The following ATAD1 variants were observed in gnomAD, a reference collection of about 807,000 sequenced individuals.
The protein encoded by ATAD1 is outer mitochondrial transmembrane helix translocase.
In ATAD1, 18 loss-of-function variants were observed where a neutral mutation model predicts 42.7. The ratio of observed to expected loss-of-function variants is 0.42; its 90% confidence interval spans 0.29 to 0.63. The LOEUF is 0.63. Among genes scored for constraint, ATAD1 ranks in the 20% least tolerant of loss-of-function variants. The pLI is 0.19. For synonymous variants in ATAD1, 132 were observed against 143.1 expected (o/e 0.92, Z 0.55); for missense variants, 294 against 440.4 (o/e 0.67, Z 2.98).
chr10:87,807,276 C>G (rs972282623), intron 2 of ATAD1, among the ~76,000 whole-genome samples: 6 of 152,086 alleles, frequency 3.9e-5, no homozygotes, highest in African/African-American at 1.4e-4. Context: ...GCTATGAGCA[C>G]TCTTGTATGT....
At chr10:87,770,901 T>C (rs374506570) in intron 7 of ATAD1, 51 bp downstream of exon 7, 37 of 1,508,072 alleles carry the variant, frequency 2.5e-5, no homozygotes, top group Non-Finnish European at 3.4e-5. Context: ...GGTGAAGACC[T>C]ATAAAAAGGT....
At chr10:87,790,128 AG>A (rs955440689) in intron 4 of ATAD1, among the ~76,000 whole-genome samples, 181 bp downstream of exon 4, 25 of 152,378 alleles carry the variant, frequency 1.6e-4, no homozygotes, top group African/African-American at 6.0e-4. Flanking sequence ...ATGTAAATAC[AG>A]GAAAAAGTTT....
chr10:87,758,823 C>G (rs922575518), intron 8 of ATAD1, among the ~76,000 whole-genome samples: 3 of 152,048 alleles, frequency 2.0e-5, no homozygotes, highest in Non-Finnish European at 4.4e-5. Flanking sequence ...AAAACATATA[C>G]AGCAGAAATT....
At chr10:87,812,165 T>C (rs2132053603) in intron 2 of ATAD1, among the ~76,000 whole-genome samples, 1 of 152,332 alleles carries the variant, frequency 6.6e-6, no homozygotes, top group African/African-American at 2.4e-5. Flanking sequence ...CTATTCCTTC[T>C]GCATACTACT....
rs77689956 is a variant in ATAD1 at position 87,808,128 on chromosome 10, C to G, written c.162+6310G>C. Reference sequence around the variant, plus strand: ...TATACTGATTTTAAATCCAGCAAACCCATCAAACTCTCATGAATCCTGATA... The same window carrying G: ...TATACTGATTTTAAATCCAGCAAACGCATCAAACTCTCATGAATCCTGATA... On this transcript the variant is annotated intron_variant, in intron 2 of 9. Transcript: ENST00000680024. 2.7e-3 allele frequency among the ~76,000 whole-genome samples: 407 copies of G among 152,092 alleles called. 1 individual carries two copies. The highest frequency in any genetic ancestry group is 9.6e-3 in the African/African-American group (397 of 41,516).
At chr10:87,806,001 CTTTAT>C (rs1856905365) in intron 2 of ATAD1, among the ~76,000 whole-genome samples, 1 of 152,082 alleles carries the variant, frequency 6.6e-6, no homozygotes, top group Admixed American at 6.5e-5. Context: ...GCTATGGTGA[CTTTAT>C]GCAAGTGATT....
Position 87,791,466 on chromosome 10 carries a change from T to C in ATAD1, c.262-1036A>G, listed in dbSNP as rs550471936. Among the ~76,000 whole-genome samples, 45 of 145,996 alleles carry C rather than the reference T, an allele frequency of 3.1e-4. No individual in the cohort carries two copies. In the South Asian group the frequency reaches 3.5e-3, roughly 11 times the overall value. On this transcript the variant is annotated intron_variant, in intron 3 of 9. Coordinates refer to ENST00000680024, the MANE Select transcript of ATAD1 (RefSeq NM_001321967.2). ...CAGCAGCCAGATCTGAAAAAAAAAA[T>C]AACTTTCACTGTAACAGCAACAAAA... is the stretch of plus-strand genomic sequence containing the variant.
intron 5 of ATAD1, among the ~76,000 whole-genome samples, chr10:87,781,027 A>G (rs1331088597): frequency 6.6e-6 from 1 of 152,196 alleles, no homozygotes; most frequent in Non-Finnish European, 1.5e-5. Flanking sequence ...AAACTGAGAA[A>G]TTATCTAAAA....
At chr10:87,768,699 T>C (rs1043161698) in intron 7 of ATAD1, among the ~76,000 whole-genome samples, 2 of 152,244 alleles carry the variant, frequency 1.3e-5, no homozygotes, top group Non-Finnish European at 2.9e-5. Context: ...ACAACCCATT[T>C]TGATTACTCA....
At chr10:87,760,605 G>A (rs1854439225) in intron 8 of ATAD1, among the ~76,000 whole-genome samples, 1 of 151,994 alleles carries the variant, frequency 6.6e-6, no homozygotes, top group Non-Finnish European at 1.5e-5. Flanking sequence ...TAACTAGCTG[G>A]GTGTGTCTAG....
intron 3 of ATAD1, among the ~76,000 whole-genome samples, chr10:87,792,354 G>T (rs1304957837): frequency 6.6e-6 from 1 of 152,102 alleles, no homozygotes; most frequent in East Asian, 1.9e-4. Context: ...GAGCTTTCCT[G>T]GTGACAACAC....
chr10:87,818,518 C>A (rs2306157), upstream of ATAD1: 44,946 of 153,180 alleles, frequency 0.29, 6,816 homozygotes, highest in Middle Eastern at 0.31. Context: ...CGGGGCGCAA[C>A]CCTGACAAAT....
chr10:87,821,101 T>A (rs7899531), upstream of ATAD1, among the ~76,000 whole-genome samples: 2,045 of 152,330 alleles, frequency 0.013, 40 homozygotes, highest in Middle Eastern at 0.078. Flanking sequence ...TCAGTAACTC[T>A]TAAAATAGTT....
intron 8 of ATAD1, among the ~76,000 whole-genome samples, chr10:87,766,176 C>T (rs73352851): frequency 0.017 from 2,565 of 152,098 alleles, 81 homozygotes; most frequent in African/African-American, 0.059. Flanking sequence ...ATGAGTAAAC[C>T]GTAACAATGT....
intron 5 of ATAD1, among the ~76,000 whole-genome samples, chr10:87,778,555 T>C (rs1391436875): frequency 6.6e-6 from 1 of 152,196 alleles, no homozygotes; most frequent in Non-Finnish European, 1.5e-5. Flanking sequence ...TTTAATACAG[T>C]ATTTTACATA....
chr10:87,760,053 ATACT>A (rs1040348291), intron 8 of ATAD1, among the ~76,000 whole-genome samples: 2 of 152,230 alleles, frequency 1.3e-5, no homozygotes, highest in Non-Finnish European at 2.9e-5. Context: ...TGAAAGAATG[ATACT>A]TACTTATGCA....
chr10:87,819,325 G>A (rs951735821), upstream of ATAD1: 1 of 147,938 alleles, frequency 6.8e-6, no homozygotes, highest in Non-Finnish European at 1.5e-5. Flanking sequence ...GGTGGCGCAT[G>A]TCTGTAGTCC....
intron 2 of ATAD1, among the ~76,000 whole-genome samples, chr10:87,806,607 A>T (rs1455162829): frequency 6.6e-6 from 1 of 152,164 alleles, no homozygotes; most frequent in African/African-American, 2.4e-5. Context: ...CTCTTCTGTG[A>T]CATTTTCATC....
rs140537796 is a variant in ATAD1 at position 87,814,576 on chromosome 10, A to C, written c.24T>G (p.Ser8=). ...CAACTTCATTCCGACTCAAAGGACG[A>C]GAAAAGGCTTCAGCATGTACCATCT... MVHAEAF[S]RPLSRNEVVG... The change falls in exon 2 of 10, where the codon TCT becomes TCG. Residue 8 remains serine (S), a synonymous_variant. Coordinates refer to ENST00000680024, the MANE Select transcript of ATAD1 (RefSeq NM_001321967.2). 2.1e-5 allele frequency: 34 copies of C among 1,611,156 alleles called. No homozygotes were observed. In the African/African-American group the frequency reaches 3.9e-4, roughly 18 times the overall value.
Sources: gnomAD v4.1 joint callset for allele counts (sites outside exome capture counted in the v4.1 genomes callset) on GRCh38, gnomAD v4.1.1 for gene constraint, MANE v1.5 for transcripts, NCBI Gene and HGNC (gene_info 2026-07-23, HGNC 2026-07-21) for gene names.